GLG1: variants seen among roughly 807,000 people sequenced by gnomAD.
The protein encoded by GLG1 is Golgi apparatus protein 1.
A neutral mutation model predicts 160.5 loss-of-function variants in GLG1; 38 were observed. The ratio of observed to expected loss-of-function variants is 0.24; its 90% CI spans 0.18 to 0.31. The LOEUF (loss-of-function observed/expected upper bound fraction) is 0.31, where lower values mean the gene tolerates loss of function less well. GLG1 is among the 10% of genes least tolerant of loss of function. GLG1 has a pLI of 1.00. For missense variants in GLG1, 1,373 were observed against 1,505.2 expected, an observed-to-expected ratio of 0.91 and a Z score of 1.45; for synonymous variants, 644 against 543.4, an observed-to-expected ratio of 1.19 and a Z score of -2.57.
At chr16:74,466,299 A>C (rs2014998993) in intron 18 of GLG1, among the ~76,000 whole-genome samples, 1 of 152,256 alleles carries the variant, frequency 6.6e-6, no homozygotes, top group Non-Finnish European at 1.5e-5. Context: ...TTATGTAAAC[A>C]AGTAACTATG....
intron 2 of GLG1, among the ~76,000 whole-genome samples, chr16:74,514,045 G>A (rs2016899208): frequency 6.6e-6 from 1 of 152,118 alleles, no homozygotes; most frequent in Non-Finnish European, 1.5e-5. Context: ...ATCAGTGATT[G>A]AAGATCAAAT....
intron 2 of GLG1, among the ~76,000 whole-genome samples, chr16:74,510,610 G>C (rs2016773847): frequency 6.6e-6 from 1 of 151,990 alleles, no homozygotes; most frequent in Non-Finnish European, 1.5e-5. Context: ...TATACTCCTA[G>C]ACAAAAAAAT....
chr16:74,487,103 G>A (rs1336199730), intron 8 of GLG1, among the ~76,000 whole-genome samples: 1 of 152,112 alleles, frequency 6.6e-6, no homozygotes, highest in African/African-American at 2.4e-5. Flanking sequence ...TAGTGGGGAT[G>A]AGGTTTCGCC....
chr16:74,556,909 T>C (rs1046839904), intron 1 of GLG1, among the ~76,000 whole-genome samples: 6 of 151,888 alleles, frequency 4.0e-5, no homozygotes, highest in South Asian at 2.1e-4. Context: ...TCTAATAATA[T>C]AGCTTTTAAA....
intron 1 of GLG1, among the ~76,000 whole-genome samples, chr16:74,536,085 C>A (rs2017679262): frequency 6.6e-6 from 1 of 152,170 alleles, no homozygotes; most frequent in South Asian, 2.1e-4. Context: ...CTTCAGCACT[C>A]AGTCATGTGA....
At chr16:74,548,754 G>A (rs1464012548) in intron 1 of GLG1, among the ~76,000 whole-genome samples, 1 of 152,184 alleles carries the variant, frequency 6.6e-6, no homozygotes, top group Non-Finnish European at 1.5e-5. Flanking sequence ...CCAGCACTTT[G>A]TGAGGCTGAG....
chr16:74,484,763 C>G (rs1038285595), intron 9 of GLG1, among the ~76,000 whole-genome samples: 2 of 152,020 alleles, frequency 1.3e-5, no homozygotes, highest in Non-Finnish European at 2.9e-5. Context: ...AAGATTCTGT[C>G]TAAAAATAAA....
chr16:74,597,635 C>T (rs781282050), intron 1 of GLG1, among the ~76,000 whole-genome samples: 2 of 151,922 alleles, frequency 1.3e-5, no homozygotes, highest in African/African-American at 2.4e-5. Context: ...TGGCGGATAA[C>T]GAGGTCAGGA....
At chr16:74,455,548 C>A (rs2014503464) in intron 25 of GLG1, among the ~76,000 whole-genome samples, 1 of 152,208 alleles carries the variant, frequency 6.6e-6, no homozygotes, top group Admixed American at 6.5e-5. Flanking sequence ...AGAGTGTTGA[C>A]TACTGTGACA....
At chr16:74,487,639 A>C (rs1302929191) in intron 8 of GLG1, among the ~76,000 whole-genome samples, 6 of 152,212 alleles carry the variant, frequency 3.9e-5, no homozygotes, top group South Asian at 4.1e-4. Context: ...ATTTGTTGAC[A>C]AAGACCAAAG....
chr16:74,487,811 A>C lies in GLG1; in HGVS notation c.1450-1894T>G, dbSNP rs184674620. ...ACAGGCGAAAATGAATGCCCTCTAGAGCCTAGTGGGCTAACAGCTCCAGGG... is the reference window on the plus strand; with the variant it reads ...ACAGGCGAAAATGAATGCCCTCTAGCGCCTAGTGGGCTAACAGCTCCAGGG... On this transcript the variant is annotated intron_variant, in intron 8 of 25. Transcript: ENST00000422840. 2.6e-3 allele frequency among the ~76,000 whole-genome samples: 396 copies of C among 152,310 alleles called. 4 individuals carry two copies. Among genetic ancestry groups the C allele is most frequent in the African/African-American group, 9.1e-3 (379 of 41,550 alleles).
At position 74,450,564 on chromosome 16, in the gene GLG1, G is replaced by A. The variant is rs1312715739; in HGVS notation, c.*2603C>T. ...CTGACCATTTATAAAGATGACAAATGTTTTGGCCAGGCAGGGTGGCTCACA... is the reference window on the plus strand; with the variant it reads ...CTGACCATTTATAAAGATGACAAATATTTTGGCCAGGCAGGGTGGCTCACA... On this transcript the variant is annotated 3_prime_UTR_variant, in exon 26 of 26. Coordinates refer to ENST00000422840, the MANE Select transcript of GLG1 (RefSeq NM_001145667.2). 1.3e-5 allele frequency: 2 copies of A among 152,182 alleles called. No homozygotes were observed. Among genetic ancestry groups the A allele is most frequent in the African/African-American group, 4.8e-5 (2 of 41,448 alleles). 9.4% of individuals were successfully genotyped at this position (152,182 alleles called of 1,614,324 possible).
chr16:74,596,786 G>A (rs1420069445), intron 1 of GLG1, among the ~76,000 whole-genome samples: 1 of 152,082 alleles, frequency 6.6e-6, no homozygotes, highest in Admixed American at 6.6e-5. Context: ...AAGCCCTGAG[G>A]CAAGCTATTT....
At chr16:74,567,659 C>T (rs1169170379) in intron 1 of GLG1, among the ~76,000 whole-genome samples, 1 of 149,432 alleles carries the variant, frequency 6.7e-6, no homozygotes, top group African/African-American at 2.5e-5. Context: ...AGCTCCGCTT[C>T]CCGGGTTCAC....
At chr16:74,589,910 C>T (rs1597377018) in intron 1 of GLG1, among the ~76,000 whole-genome samples, 1 of 152,022 alleles carries the variant, frequency 6.6e-6, no homozygotes, top group Admixed American at 6.6e-5. Flanking sequence ...GCACTCCAGC[C>T]TAGGTGACAG....
intron 3 of GLG1, among the ~76,000 whole-genome samples, chr16:74,507,820 T>A (rs930586702): frequency 7.9e-5 from 12 of 152,176 alleles, no homozygotes; most frequent in Non-Finnish European, 1.6e-4. Context: ...TAGGAATAAT[T>A]TGTTAGTATT....
At chr16:74,459,050 A>G (rs776581865) in intron 23 of GLG1, among the ~76,000 whole-genome samples, 11 of 152,248 alleles carry the variant, frequency 7.2e-5, no homozygotes, top group Non-Finnish European at 1.2e-4. Flanking sequence ...CCCCAAAGTT[A>G]TATGGGATCA....
chr16:74,457,335 T>G (rs546269675), intron 24 of GLG1, among the ~76,000 whole-genome samples: 2 of 152,266 alleles, frequency 1.3e-5, no homozygotes, highest in East Asian at 1.9e-4. Flanking sequence ...AGGCGGAGGT[T>G]GCAGTGAGCT....
chr16:74,571,675 A>T (rs2018831124), intron 1 of GLG1, among the ~76,000 whole-genome samples: 1 of 150,894 alleles, frequency 6.6e-6, no homozygotes, highest in African/African-American at 2.4e-5. Context: ...AAAAAAAAAA[A>T]TTAGCCGGGC....
Sources: allele counts gnomAD v4.1 joint callset (sites outside exome capture counted in the v4.1 genomes callset), GRCh38; gene constraint gnomAD v4.1.1; transcripts MANE v1.5; gene names NCBI Gene and HGNC (gene_info 2026-07-23, HGNC 2026-07-21).